Variants in CFHR4 observed in about 807,000 individuals in gnomAD.
CFHR4 encodes the protein complement factor H-related protein 4.
In CFHR4, 64 loss-of-function variants were observed where a neutral mutation model predicts 69.3. That is an observed-to-expected ratio of 0.92 (90% CI 0.76 to 1.14). The LOEUF (loss-of-function observed/expected upper bound fraction) is 1.14, where lower values mean the gene tolerates loss of function less well. Ranked by LOEUF, CFHR4 falls within the 50% of genes most tolerant of loss-of-function variation. The pLI, the probability that CFHR4 is intolerant of heterozygous loss-of-function variation, is 0.00. For missense variants in CFHR4, 636 were observed against 684.9 expected (o/e 0.93, Z 0.80); for synonymous variants, 244 against 237.0 (o/e 1.03, Z -0.27).
chr1:196,906,322 T>C (rs1370502453), intron 3 of CFHR4, among the ~76,000 whole-genome samples: 1 of 151,520 alleles, frequency 6.6e-6, no homozygotes, highest in Non-Finnish European at 1.5e-5. Context: ...TCTATGCTTA[T>C]CACGGGCTCT....
In CFHR4 at chr1:196,892,231, A is replaced by G. The variant is rs1209882552; in HGVS notation, c.58+4023A>G. On this transcript the variant is annotated intron_variant, in intron 1 of 9. Coordinates refer to ENST00000608469, the MANE Select transcript of CFHR4 (RefSeq NM_001201550.3). ...CTTGTTAGCTGATTTGGGAGCCACT[A>G]AGGATTTTAAGTGGAGCAATAAAAT... is the stretch of plus-strand genomic sequence containing the variant. Among the ~76,000 whole-genome samples the G allele has an allele frequency of 4.0e-5, 6 of 151,462 alleles. 1 individual carries two copies. The highest frequency in any genetic ancestry group is 1.2e-4 in the African/African-American group (5 of 41,020).
At chr1:196,900,167 T>C (rs1460795427) in intron 1 of CFHR4, among the ~76,000 whole-genome samples, 1 of 151,442 alleles carries the variant, frequency 6.6e-6, no homozygotes, top group Non-Finnish European at 1.5e-5. Context: ...GTGAGTATTT[T>C]AATCAACGTT....
chr1:196,908,900 T>C (rs1658074809), intron 5 of CFHR4, among the ~76,000 whole-genome samples: 1 of 151,416 alleles, frequency 6.6e-6, no homozygotes, highest in African/African-American at 2.4e-5. Context: ...ACCTTTTATA[T>C]TGACTGATGA....
intron 6 of CFHR4, among the ~76,000 whole-genome samples, chr1:196,912,441 A>G (rs554643088): frequency 6.6e-6 from 1 of 151,114 alleles, no homozygotes; most frequent in East Asian, 1.9e-4. Context: ...CTTCCAAAAT[A>G]TCATTAGGGA....
At chr1:196,910,238 A>T in intron 5 of CFHR4, 43 bp from the exon 6 acceptor site, 1 of 1,152,278 alleles carries the variant, frequency 8.7e-7, no homozygotes, top group Non-Finnish European at 1.2e-6. Flanking sequence ...ATTGTCTGTT[A>T]CAGTGAAACA....
chr1:196,893,951 A>G (rs1657156159), intron 1 of CFHR4, among the ~76,000 whole-genome samples: 1 of 151,568 alleles, frequency 6.6e-6, no homozygotes, highest in Non-Finnish European at 1.5e-5. Context: ...ATGTGCTTCC[A>G]TGATAACTCT....
At position 196,905,124 on chromosome 1, in the gene CFHR4, A is replaced by G. The variant is rs1657839715; in HGVS notation, c.273A>G (p.Ser91=). The G allele has an allele frequency of 5.0e-6, 8 of 1,599,142 alleles. No homozygotes were observed. The highest frequency in any genetic ancestry group is 6.8e-6 in the Non-Finnish European group (8 of 1,173,552). Residue 91 remains serine (S), a synonymous_variant, in exon 3 of 10, where the codon TCA becomes TCG. Coordinates refer to ENST00000608469, the MANE Select transcript of CFHR4 (RefSeq NM_001201550.3). ...CTATTTTAGGAACATGCTCAAAATC[A>G]GATGTAGAAATTGAAAATGGATTCA... ...TVPCLRTCSK[S]DVEIENGFIS... is the part of the protein sequence containing the mutation.
chr1:196,896,606 T>C (rs540839254), intron 1 of CFHR4, among the ~76,000 whole-genome samples: 18 of 151,756 alleles, frequency 1.2e-4, no homozygotes, highest in African/African-American at 1.7e-4. Context: ...TAAATACACA[T>C]ACAGCTGCCT....
intron 9 of CFHR4, among the ~76,000 whole-genome samples, chr1:196,915,635 CAAAAATAAA>C (rs1190985097): frequency 7.0e-6 from 1 of 143,728 alleles, no homozygotes; most frequent in Non-Finnish European, 1.5e-5. Context: ...ACTCCGTCTC[CAAAAATAAA>C]AAAATAAAAA....
At chr1:196,917,546 T>C (rs1416766512) in intron 9 of CFHR4, among the ~76,000 whole-genome samples, 1 of 151,690 alleles carries the variant, frequency 6.6e-6, no homozygotes, top group East Asian at 1.9e-4. Flanking sequence ...CATAATCATG[T>C]AGGGATTCAC....
intron 1 of CFHR4, among the ~76,000 whole-genome samples, chr1:196,888,790 ATAC>A (rs1558233540): frequency 6.6e-6 from 1 of 151,502 alleles, no homozygotes; most frequent in African/African-American, 2.4e-5. Context: ...AGCAGAATAT[ATAC>A]TTAACTTACA....
chr1:196,915,433 C>T (rs2124976872), intron 9 of CFHR4, among the ~76,000 whole-genome samples: 1 of 151,316 alleles, frequency 6.6e-6, no homozygotes, highest in Non-Finnish European at 1.5e-5. Flanking sequence ...GTCAGGAGTT[C>T]GAGATCAGCC....
intron 2 of CFHR4, among the ~76,000 whole-genome samples, chr1:196,904,338 C>T (rs1657787579): frequency 6.6e-6 from 1 of 151,554 alleles, no homozygotes; most frequent in African/African-American, 2.4e-5. Flanking sequence ...AAACATGTAT[C>T]ATCTTTAACA....
At chr1:196,894,201 G>A (rs1339590389) in intron 1 of CFHR4, among the ~76,000 whole-genome samples, 2 of 151,404 alleles carry the variant, frequency 1.3e-5, no homozygotes, top group Non-Finnish European at 2.9e-5. Context: ...AAATGCATTG[G>A]TTTCCTAAAT....
chr1:196,896,195 G>C (rs1466988177), intron 1 of CFHR4, among the ~76,000 whole-genome samples: 1 of 150,366 alleles, frequency 6.7e-6, no homozygotes. Context: ...CCTTCTACAT[G>C]TTTGTTGAGG....
rs184562589 is a variant in CFHR4 at position 196,910,515 on chromosome 1, C to T, written c.997+37C>T. On this transcript the variant is annotated intron_variant, in intron 6 of 9. Coordinates refer to ENST00000608469, the MANE Select transcript of CFHR4 (RefSeq NM_001201550.3). Reference sequence around the variant, plus strand: ...TCTTTACAACAATATGTGCATAAAACTTGCAAAGAATGGAGAGAGAAGAGC... The same window carrying T: ...TCTTTACAACAATATGTGCATAAAATTTGCAAAGAATGGAGAGAGAAGAGC... 48 of 1,530,388 alleles carry T rather than the reference C, an allele frequency of 3.1e-5. 3 individuals carry two copies. In the East Asian group the frequency reaches 1.1e-3, roughly 34 times the overall value. 94.8% of individuals were successfully genotyped at this position (1,530,388 alleles called of 1,614,324 possible).
rs1031209925 is a variant in CFHR4 at position 196,889,527 on chromosome 1, A to G, written c.58+1319A>G. On this transcript the variant is annotated intron_variant, in intron 1 of 9. Coordinates refer to ENST00000608469, the MANE Select transcript of CFHR4 (RefSeq NM_001201550.3). ...ATGCTGACAAATTCTTTCTTATTTG[A>G]TATTCCAGTTGAAAACTTTTCTCCT... 4.0e-5 allele frequency among the ~76,000 whole-genome samples: 6 copies of G among 151,624 alleles called. 1 individual carries two copies. Among genetic ancestry groups the G allele is most frequent in the Non-Finnish European group, 7.4e-5 (5 of 67,930 alleles).
chr1:196,902,508 A>G lies in CFHR4; in HGVS notation c.149A>G (p.Gln50Arg). 1.2e-6 allele frequency: 2 copies of G among 1,611,296 alleles called. No individual in the cohort carries two copies. Among genetic ancestry groups the G allele is most frequent in the Non-Finnish European group, 1.7e-6 (2 of 1,178,320 alleles). ...RRLYFPAAAG[Q>R]SYSYYCDQNF... is the part of the protein sequence containing the mutation. ...CTATACTTTCCAGCAGCTGCAGGAC[A>G]ATCTTATTCCTATTACTGTGATCAA... The change falls in exon 2 of 10, where the codon CAA (glutamine) becomes CGA (arginine). Residue 50 changes from glutamine to arginine, a missense_variant. Around this residue, in one of 3 missense-constraint regions of CFHR4, gnomAD observed 529 missense variants for 533.2 expected, o/e 0.99. Transcript: ENST00000608469.
intron 1 of CFHR4, among the ~76,000 whole-genome samples, chr1:196,894,122 C>T (rs998935835): frequency 6.6e-6 from 1 of 151,566 alleles, no homozygotes; most frequent in Non-Finnish European, 1.5e-5. Context: ...TCTATCCCCC[C>T]TTTTCCGTTG....
Sources: gnomAD v4.1 joint callset for allele counts (sites outside exome capture counted in the v4.1 genomes callset) on GRCh38, gnomAD v4.1.1 for gene constraint, gnomAD v4.1.1 regional missense constraint, MANE v1.5 for transcripts, NCBI Gene and HGNC (gene_info 2026-07-23, HGNC 2026-07-21) for gene names.